Variants in GRB10 observed in about 807,000 individuals in gnomAD.
GRB10 encodes growth factor receptor bound protein 10, also known as growth factor receptor-bound protein 10.
In GRB10, 20 loss-of-function variants were observed where a neutral mutation model predicts 80.9. That is an observed-to-expected ratio of 0.25 (90% CI 0.17 to 0.36). The LOEUF (loss-of-function observed/expected upper bound fraction) is 0.36. Among genes scored for constraint, GRB10 ranks in the 10% least tolerant of loss-of-function variants. The pLI, the probability that GRB10 is intolerant of heterozygous loss-of-function variation, is 1.00. For synonymous variants in GRB10, 291 were observed against 291.5 expected (o/e 1.00, Z 0.02); for missense variants, 548 against 747.7 (o/e 0.73, Z 3.12).
At chr7:50,627,384 A>G (rs2053114995) in intron 7 of GRB10, among the ~76,000 whole-genome samples, 2 of 152,190 alleles carry the variant, frequency 1.3e-5, no homozygotes, top group Admixed American at 1.3e-4. Context: ...CAAATCCTGT[A>G]AATCTCCCTC....
chr7:50,750,999 T>C (rs1180221638), intron 3 of GRB10, among the ~76,000 whole-genome samples: 1 of 152,212 alleles, frequency 6.6e-6, no homozygotes, highest in Non-Finnish European at 1.5e-5. Flanking sequence ...CCACAGTGGC[T>C]TGCTTGGCCC....
chr7:50,633,467 G>C (rs534501620), intron 7 of GRB10, among the ~76,000 whole-genome samples: 1 of 152,168 alleles, frequency 6.6e-6, no homozygotes, highest in Non-Finnish European at 1.5e-5. Context: ...CGCTTCTACA[G>C]ATGAGAAGAA....
chr7:50,603,976 C>T (rs1194625242), intron 17 of GRB10, 22 bp downstream of exon 17: 1 of 1,550,822 alleles, frequency 6.4e-7, no homozygotes, highest in Non-Finnish European at 8.9e-7. Context: ...GATGACAGCT[C>T]TTATCAGTGG....
intron 5 of GRB10, among the ~76,000 whole-genome samples, chr7:50,689,996 GAA>G (rs781688968): frequency 2.2e-5 from 3 of 136,970 alleles, no homozygotes; most frequent in African/African-American, 7.9e-5. Context: ...GGTTAAAAAG[GAA>G]AAAAAAAAAA....
intron 17 of GRB10, among the ~76,000 whole-genome samples, chr7:50,598,872 C>A (rs2047094574): frequency 6.6e-6 from 1 of 152,010 alleles, no homozygotes; most frequent in Non-Finnish European, 1.5e-5. Context: ...GACAGAGGGA[C>A]TGCACAGGCA....
rs2045920139 is a variant in GRB10, at chr7:50,592,222, G to C, written c.*730C>G. 6.5e-6 allele frequency: 1 copy of C among 154,264 alleles called. No individual in the cohort carries two copies. Among genetic ancestry groups the C allele is most frequent in the African/African-American group, 2.4e-5 (1 of 41,466 alleles). The allele number at this position is 154,264 out of a possible 1,614,324, so 9.6% of individuals were successfully genotyped here. A position where few individuals can be genotyped will look rare whatever the true frequency, so the allele number is the denominator to read the frequency against. Reference sequence around the variant, plus strand: ...AGAACAAGACACACTAATAACAAGAGGATCTGACATCTGAGCATAGAGAAA... The same window carrying C: ...AGAACAAGACACACTAATAACAAGACGATCTGACATCTGAGCATAGAGAAA... On this transcript the variant is annotated 3_prime_UTR_variant, in exon 19 of 19. Transcript: ENST00000401949.
chr7:50,710,539 TCAG>T (rs2065729958), intron 4 of GRB10, among the ~76,000 whole-genome samples: 1 of 152,198 alleles, frequency 6.6e-6, no homozygotes, highest in East Asian at 1.9e-4. Flanking sequence ...ATTGGGCGAT[TCAG>T]GCAGTTTTCT....
At chr7:50,633,859 A>G (rs1413765192) in intron 7 of GRB10, among the ~76,000 whole-genome samples, 2 of 152,178 alleles carry the variant, frequency 1.3e-5, no homozygotes, top group African/African-American at 4.8e-5. Context: ...AGAAACAACA[A>G]TTTTTTAAAA....
chr7:50,782,902 C>CA (rs1483284039), upstream of GRB10: 1 of 152,316 alleles, frequency 6.6e-6, no homozygotes, highest in African/African-American at 2.4e-5. This position sits in a 1 kb window ranked among gnomAD's most constrained non-coding sequence, Gnocchi z 6.6. Flanking sequence ...ATCCCAGGAC[C>CA]AAACCCATGT....
At chr7:50,759,781 C>T (rs1053484470) in intron 2 of GRB10, among the ~76,000 whole-genome samples, 4 of 152,176 alleles carry the variant, frequency 2.6e-5, no homozygotes, top group African/African-American at 9.7e-5. Context: ...GCCAGGGACC[C>T]AGTCATCTGC....
chr7:50,661,252 T>C (rs1188648528), intron 7 of GRB10, among the ~76,000 whole-genome samples: 1 of 152,214 alleles, frequency 6.6e-6, no homozygotes, highest in Non-Finnish European at 1.5e-5. Flanking sequence ...TTTTGATCAT[T>C]AGTAAATAAT....
intron 5 of GRB10, among the ~76,000 whole-genome samples, chr7:50,701,837 C>T (rs2715100): frequency 0.054 from 8,173 of 152,268 alleles, 740 homozygotes; most frequent in African/African-American, 0.19. Flanking sequence ...TAGTTTCTTG[C>T]CTTGTCTTAC....
intron 7 of GRB10, among the ~76,000 whole-genome samples, chr7:50,631,087 G>A (rs962879486): frequency 6.6e-6 from 1 of 152,154 alleles, no homozygotes; most frequent in Non-Finnish European, 1.5e-5. Context: ...TGTTGTGTGT[G>A]TGGGAGTCAT....
intron 7 of GRB10, among the ~76,000 whole-genome samples, chr7:50,653,761 G>C (rs1474526255): frequency 2.0e-5 from 3 of 152,200 alleles, no homozygotes; most frequent in Non-Finnish European, 4.4e-5. Context: ...CAGGGTCCAT[G>C]ACTAGCCACC....
chr7:50,744,011 TG>T (rs1198021552), intron 3 of GRB10, among the ~76,000 whole-genome samples: 1 of 149,268 alleles, frequency 6.7e-6, no homozygotes, highest in Non-Finnish European at 1.5e-5. Flanking sequence ...TGAAAAGAGG[TG>T]GGGTGATGAA....
intron 7 of GRB10, among the ~76,000 whole-genome samples, chr7:50,667,826 C>G (rs1405923167): frequency 6.6e-6 from 1 of 152,172 alleles, no homozygotes; most frequent in African/African-American, 2.4e-5. Context: ...AGAAAAACAC[C>G]AGCAGGCAAA....
chr7:50,750,323 C>G (rs1016765540), intron 3 of GRB10, among the ~76,000 whole-genome samples: 1 of 152,212 alleles, frequency 6.6e-6, no homozygotes, highest in Non-Finnish European at 1.5e-5. Flanking sequence ...GCTCTCACCA[C>G]TCATATATAA....
chr7:50,701,663 A>G (rs1241014842), intron 5 of GRB10, among the ~76,000 whole-genome samples: 3 of 152,228 alleles, frequency 2.0e-5, no homozygotes, highest in African/African-American at 7.2e-5. Context: ...TCTTTGCCTG[A>G]GAAAGCTTTA....
chr7:50,736,240 T>G (rs1368241764), intron 3 of GRB10, among the ~76,000 whole-genome samples: 3 of 152,070 alleles, frequency 2.0e-5, no homozygotes, highest in Admixed American at 2.0e-4. Flanking sequence ...GAGCCGAGAT[T>G]GCGCCACTGC....
Sources: allele counts gnomAD v4.1 joint callset (sites outside exome capture counted in the v4.1 genomes callset), GRCh38; gene constraint gnomAD v4.1.1; non-coding constraint Gnocchi (gnomAD v3.1); transcripts MANE v1.5; gene names NCBI Gene and HGNC (gene_info 2026-07-23, HGNC 2026-07-21).